Variants in ZNF469 observed in about 807,000 individuals in gnomAD.
ZNF469 encodes the protein zinc finger protein 469.
Under a neutral mutation model 1.0 loss-of-function variants are expected in ZNF469, and 1 was observed. That is an observed-to-expected ratio of 1.00 (90% CI 0.35 to 4.73). ZNF469 has a LOEUF of 4.73. Ranked by LOEUF, ZNF469 falls within the 30% of genes most tolerant of loss-of-function variation. ZNF469 has a pLI of 0.16. For missense variants in ZNF469, 6,100 were observed against 5,356.3 expected, an observed-to-expected ratio of 1.14 and a Z score of -4.33; for synonymous variants, 2,703 against 2,363.4, an observed-to-expected ratio of 1.14 and a Z score of -4.17.
the ZNF469 span, among the ~76,000 whole-genome samples, chr16:88,109,765 G>A: frequency 2.9e-5 from 4 of 140,198 alleles, no homozygotes; most frequent in East Asian, 6.7e-4. Flanking sequence ...TCTCCTCTCC[G>A]GGATCAGGAG....
chr16:88,437,110 C>T lies in ZNF469; in HGVS notation c.9640C>T (p.Leu3214=), dbSNP rs766019888. The T allele has an allele frequency of 3.2e-6, 5 of 1,547,458 alleles. No homozygotes were observed. In the South Asian group the frequency reaches 4.8e-5, roughly 15 times the overall value. The change falls in exon 3 of 3, where the codon CTG becomes TTG. Residue 3214 remains leucine, a synonymous_variant. Coordinates refer to ENST00000565624, the MANE Select transcript of ZNF469 (RefSeq NM_001367624.2). ...GCAGGCGCGGAGGTCCTTGGGGGAC[C>T]TGCCCGGAGGCCTGGAGGGCAGCAG... is the stretch of plus-strand genomic sequence containing the variant. ...RGQARRSLGD[L]PGGLEGSSAV...
chr16:88,188,531 A>C, the ZNF469 span, among the ~76,000 whole-genome samples: 80,210 of 142,476 alleles, frequency 0.56, 18,333 homozygotes, highest in Middle Eastern at 0.68. Context: ...TCTGGCCCCC[A>C]TGGTGCTCAG....
At chr16:88,292,537 G>A in the ZNF469 span, among the ~76,000 whole-genome samples, 28 of 152,102 alleles carry the variant, frequency 1.8e-4, no homozygotes, top group South Asian at 4.2e-4. Flanking sequence ...CATGTGTGAC[G>A]CACGTGGGGA....
At chr16:88,380,193 A>ACACAGACATGCACT (rs2092517321), upstream of ZNF469, among the ~76,000 whole-genome samples, 1 of 151,720 alleles carries the variant, frequency 6.6e-6, no homozygotes, top group Admixed American at 6.6e-5. Context: ...ATGCACTCAC[A>ACACAGACATGCACT]CACAGACATG....
At chr16:88,144,146 C>T in the ZNF469 span, among the ~76,000 whole-genome samples, 447 of 152,324 alleles carry the variant, frequency 2.9e-3, 2 homozygotes, top group African/African-American at 0.01. Context: ...AGGGCAGAGG[C>T]TTGGTCCAGC....
the ZNF469 span, among the ~76,000 whole-genome samples, chr16:88,221,256 G>A: frequency 5.3e-5 from 8 of 152,216 alleles, no homozygotes; most frequent in African/African-American, 1.2e-4. Flanking sequence ...CCTGCTAGCC[G>A]TGGCTTCCTC....
the ZNF469 span, among the ~76,000 whole-genome samples, chr16:88,327,551 G>T: frequency 3.0e-4 from 46 of 151,946 alleles, no homozygotes; most frequent in African/African-American, 9.4e-4. Context: ...TCACGTTGGG[G>T]TTGGGGGGGG....
At chr16:88,241,676 C>T in the ZNF469 span, among the ~76,000 whole-genome samples, 1 of 152,214 alleles carries the variant, frequency 6.6e-6, no homozygotes, top group Admixed American at 6.5e-5. The surrounding 1 kb of genome is among the most constrained non-coding windows in gnomAD (Gnocchi z 4.8). Context: ...GATGTCATCA[C>T]CTTGTACCCC....
At chr16:88,168,148 T>G in the ZNF469 span, among the ~76,000 whole-genome samples, 1 of 152,218 alleles carries the variant, frequency 6.6e-6, no homozygotes, top group South Asian at 2.1e-4. This position sits in a 1 kb window ranked among gnomAD's most constrained non-coding sequence, Gnocchi z 4.3. Flanking sequence ...CAAATCTTTT[T>G]TATAAGCCTC....
chr16:88,401,619 A>ATGGG lies in ZNF469; in HGVS notation c.-192+18368_-192+18369insGTGG, dbSNP rs1443023029. Among the ~76,000 whole-genome samples, 14 of 80,398 alleles carry ATGGG rather than the reference A, an allele frequency of 1.7e-4. No homozygotes were observed. The East Asian group carries it at 4.8e-3, about 28-fold the overall frequency. The allele number at this position is 80,398 out of a possible 152,430, so 52.7% of individuals were successfully genotyped here. On this transcript the variant is annotated intron_variant, in intron 1 of 2. Coordinates refer to ENST00000565624, the MANE Select transcript of ZNF469 (RefSeq NM_001367624.2). ...GATGGATGGATAGTTGGGTGAGTGG[A>ATGGG]TGGATGGATGGATGGATGGATGGAT...
the ZNF469 span, among the ~76,000 whole-genome samples, chr16:88,276,111 C>T: frequency 6.6e-6 from 1 of 152,160 alleles, no homozygotes; most frequent in South Asian, 2.1e-4. Context: ...GTGCAACGAC[C>T]AAACAGAGTG....
chr16:88,253,284 C>T, the ZNF469 span, among the ~76,000 whole-genome samples: 6 of 152,330 alleles, frequency 3.9e-5, no homozygotes, highest in Admixed American at 2.0e-4. Flanking sequence ...TAGAAACCCT[C>T]GCAGAGATTT....
the ZNF469 span, among the ~76,000 whole-genome samples, chr16:88,256,550 A>C: frequency 6.6e-6 from 1 of 151,980 alleles, no homozygotes; most frequent in Non-Finnish European, 1.5e-5. Context: ...TAAGTTTCCA[A>C]CTCCTTTGGG....
chr16:88,217,068 T>G, the ZNF469 span, among the ~76,000 whole-genome samples: 1 of 152,262 alleles, frequency 6.6e-6, no homozygotes, highest in Non-Finnish European at 1.5e-5. Flanking sequence ...ATCATCTCTG[T>G]ATCTGCTTCT....
At chr16:88,252,966 TC>T in the ZNF469 span, among the ~76,000 whole-genome samples, 2 of 152,240 alleles carry the variant, frequency 1.3e-5, no homozygotes, top group African/African-American at 4.8e-5. Context: ...TAGCATACGT[TC>T]CTTTGTATCT....
In ZNF469 at chr16:88,424,645, G is replaced by A. The variant is rs981043784; in HGVS notation, c.-191-162G>A. ...TGAGCTGCCCGCTGGCCTCTGAGGGGAGCTCACCCATCTCCCGGTGGCTCT... is the reference window on the plus strand; with the variant it reads ...TGAGCTGCCCGCTGGCCTCTGAGGGAAGCTCACCCATCTCCCGGTGGCTCT... On this transcript the variant is annotated intron_variant, in intron 1 of 2. Coordinates refer to ENST00000565624, the MANE Select transcript of ZNF469 (RefSeq NM_001367624.2). The surrounding 1 kb of genome is among the most constrained non-coding windows in gnomAD (Gnocchi z 4.3). Among the ~76,000 whole-genome samples, 6 of 152,054 alleles carry A rather than the reference G, an allele frequency of 3.9e-5. No individual in the cohort carries two copies. Among genetic ancestry groups the A allele is most frequent in the African/African-American group, 1.4e-4 (6 of 41,420 alleles).
the ZNF469 span, among the ~76,000 whole-genome samples, chr16:88,128,165 C>A: frequency 6.6e-6 from 1 of 152,032 alleles, no homozygotes; most frequent in Non-Finnish European, 1.5e-5. Flanking sequence ...GGCACCAGCA[C>A]AGATGCCTGA....
chr16:88,315,932 A>G, the ZNF469 span, among the ~76,000 whole-genome samples: 1 of 152,104 alleles, frequency 6.6e-6, no homozygotes, highest in African/African-American at 2.4e-5. Flanking sequence ...GACGTTCCAG[A>G]GGAAACCTGG....
At chr16:88,324,645 G>T in the ZNF469 span, among the ~76,000 whole-genome samples, 25 of 152,250 alleles carry the variant, frequency 1.6e-4, no homozygotes, top group Admixed American at 7.8e-4. Context: ...CAGGGTGAGT[G>T]CATAAGGGAC....
Sources: allele counts gnomAD v4.1 joint callset (sites outside exome capture counted in the v4.1 genomes callset), GRCh38; gene constraint gnomAD v4.1.1; non-coding constraint Gnocchi (gnomAD v3.1); transcripts MANE v1.5; gene names NCBI Gene and HGNC (gene_info 2026-07-23, HGNC 2026-07-21).